The following GABRB2 variants were observed in gnomAD, a reference collection of about 807,000 sequenced individuals.
The protein encoded by GABRB2 is gamma-aminobutyric acid type A receptor subunit beta2.
GABRB2 carries 16 observed loss-of-function variants against 54.7 expected under a neutral mutation model. The observed-to-expected ratio is 0.29, with a 90% confidence interval of 0.20 to 0.44. The LOEUF (loss-of-function observed/expected upper bound fraction) is 0.44. Among genes scored for constraint, GABRB2 ranks in the 20% least tolerant of loss-of-function variants. The pLI is 1.00. For missense variants in GABRB2, 355 were observed against 644.0 expected (o/e 0.55, Z 4.86); for synonymous variants, 244 against 233.8 (o/e 1.04, Z -0.40).
chr5:161,514,945 A>AG lies in GABRB2; in HGVS notation c.237+30281_237+30282insC, dbSNP rs561979314. On this transcript the variant is annotated intron_variant, in intron 3 of 9. Coordinates refer to ENST00000393959, the MANE Select transcript of GABRB2 (RefSeq NM_001371727.1). ...ACTTTAAGATGAGAAAATGTATGTG[A>AG]ACCCAAGCCTTACCAGAGAACATGC... Among the ~76,000 whole-genome samples the AG allele has an allele frequency of 7.0e-4, 107 of 152,304 alleles. 2 individuals carry two copies. In the South Asian group the frequency reaches 0.022, roughly 31 times the overall value.
chr5:161,432,195 A>T (rs1757188822), intron 4 of GABRB2, among the ~76,000 whole-genome samples: 1 of 152,204 alleles, frequency 6.6e-6, no homozygotes, highest in South Asian at 2.1e-4. Flanking sequence ...TTTGTAATAT[A>T]ACAAGCCCCA....
intron 5 of GABRB2, among the ~76,000 whole-genome samples, chr5:161,373,082 T>C (rs1755178741): frequency 6.6e-6 from 1 of 152,198 alleles, no homozygotes; most frequent in Non-Finnish European, 1.5e-5. Flanking sequence ...TATTTTTTTT[T>C]CCACTTAGAA....
rs550429673 is a variant in GABRB2, at chr5:161,306,225, G to C, written c.1192-11797C>G. Reference sequence around the variant, plus strand: ...AGAGGGAAATTATAACCTGCCTCTAGTTTTCTGTTGGAAGCAGAGAAGCCA... The same window carrying C: ...AGAGGGAAATTATAACCTGCCTCTACTTTTCTGTTGGAAGCAGAGAAGCCA... On this transcript the variant is annotated intron_variant, in intron 9 of 9. Transcript: ENST00000393959. 4.6e-5 allele frequency among the ~76,000 whole-genome samples: 7 copies of C among 152,328 alleles called. No homozygotes were observed. The South Asian group carries it at 1.4e-3, about 32-fold the overall frequency.
rs56087008 is a variant in GABRB2 at position 161,446,752 on chromosome 5, G to C, written c.458+12872C>G. Among the ~76,000 whole-genome samples, 774 of 152,172 alleles carry C rather than the reference G, an allele frequency of 5.1e-3. 10 individuals carry two copies. Among genetic ancestry groups the C allele is most frequent in the African/African-American group, 0.017 (703 of 41,528 alleles). On this transcript the variant is annotated intron_variant, in intron 4 of 9. Coordinates refer to ENST00000393959, the MANE Select transcript of GABRB2 (RefSeq NM_001371727.1). ...GAGAGTCATTAGTTGACTTATGAAAGACACATGGCCCGTAAAACAACCCCT... is the reference window on the plus strand; with the variant it reads ...GAGAGTCATTAGTTGACTTATGAAACACACATGGCCCGTAAAACAACCCCT...
At position 161,438,317 on chromosome 5, in the gene GABRB2, T is replaced by C. The variant is rs1561650050; in HGVS notation, c.458+21307A>G. ...GATCAAAGTGGTACCTTTACAAGTC[T>C]GCAAGAACCACATCATTACTGGACT... On this transcript the variant is annotated intron_variant, in intron 4 of 9. Coordinates refer to ENST00000393959, the MANE Select transcript of GABRB2 (RefSeq NM_001371727.1). Among the ~76,000 whole-genome samples, 7 of 152,218 alleles carry C rather than the reference T, an allele frequency of 4.6e-5. No individual in the cohort carries two copies. In the South Asian group the frequency reaches 1.4e-3, roughly 31 times the overall value.
chr5:161,473,385 G>A (rs114476909), intron 3 of GABRB2, among the ~76,000 whole-genome samples: 2,694 of 152,090 alleles, frequency 0.018, 35 homozygotes, highest in Middle Eastern at 0.075. Context: ...AAAAGTGTAA[G>A]TAAGGTGGCA....
chr5:161,463,555 T>A (rs7443060), intron 3 of GABRB2, among the ~76,000 whole-genome samples: 9,333 of 22,702 alleles, frequency 0.41, 1,381 homozygotes, highest in Admixed American at 0.43. Flanking sequence ...ATATTTTTAT[T>A]TATATATATA....
intron 6 of GABRB2, 136 bp from the exon 7 acceptor site, chr5:161,335,040 T>G (rs1329992922): frequency 1.2e-6 from 1 of 818,140 alleles, no homozygotes. Flanking sequence ...TCTGCAAAAG[T>G]AGTCTGAGAG....
chr5:161,539,692 C>T (rs566360669), intron 3 of GABRB2, among the ~76,000 whole-genome samples: 1 of 152,194 alleles, frequency 6.6e-6, no homozygotes, highest in South Asian at 2.1e-4. Flanking sequence ...TCATAGACGA[C>T]CAATAAACTT....
intron 5 of GABRB2, among the ~76,000 whole-genome samples, chr5:161,409,634 A>C (rs566448745): frequency 6.6e-6 from 1 of 152,264 alleles, no homozygotes; most frequent in Non-Finnish European, 1.5e-5. Flanking sequence ...CTGGAACAAA[A>C]CATACTTTCA....
At chr5:161,384,015 A>G (rs144215643) in intron 5 of GABRB2, among the ~76,000 whole-genome samples, 307 of 152,244 alleles carry the variant, frequency 2.0e-3, no homozygotes, top group Non-Finnish European at 3.6e-3. Flanking sequence ...GGCCTCCCAA[A>G]GTGCTGGGAT....
chr5:161,298,911 G>A (rs1367246628), intron 9 of GABRB2, among the ~76,000 whole-genome samples: 1 of 152,104 alleles, frequency 6.6e-6, no homozygotes, highest in Non-Finnish European at 1.5e-5. Flanking sequence ...CTTAATACAA[G>A]TTTATGTACT....
intron 4 of GABRB2, among the ~76,000 whole-genome samples, chr5:161,457,274 G>C (rs1757983519): frequency 6.6e-6 from 1 of 152,114 alleles, no homozygotes; most frequent in African/African-American, 2.4e-5. Context: ...ATGGAAGTGG[G>C]AATGGGAGAA....
chr5:161,486,677 G>A (rs1453308536), intron 3 of GABRB2, among the ~76,000 whole-genome samples: 3 of 151,598 alleles, frequency 2.0e-5, no homozygotes, highest in African/African-American at 4.8e-5. Flanking sequence ...GACTTTCTTT[G>A]TGCCACTCTG....
chr5:161,533,522 C>A (rs935248464), intron 3 of GABRB2, among the ~76,000 whole-genome samples: 4 of 151,956 alleles, frequency 2.6e-5, no homozygotes, highest in Non-Finnish European at 5.9e-5. Context: ...AAATAGATTT[C>A]ATTTAGATGC....
intron 5 of GABRB2, among the ~76,000 whole-genome samples, chr5:161,358,145 T>G (rs1246552168): frequency 6.6e-6 from 1 of 152,086 alleles, no homozygotes; most frequent in Non-Finnish European, 1.5e-5. Flanking sequence ...GAGAAAAAAT[T>G]ATAAGTAAGG....
In GABRB2 at chr5:161,382,857, C is replaced by T. The variant is rs187887791; in HGVS notation, c.541+28118G>A. ...CTTCCATTTTCCTCTCGAGCAACTC[C>T]GTGGCTACTCAGAGCTGTCATGAGG... On this transcript the variant is annotated intron_variant, in intron 5 of 9. Coordinates refer to ENST00000393959, the MANE Select transcript of GABRB2 (RefSeq NM_001371727.1). Among the ~76,000 whole-genome samples the T allele has an allele frequency of 3.9e-5, 6 of 152,292 alleles. No individual in the cohort carries two copies. In the East Asian group the frequency reaches 5.8e-4, roughly 15 times the overall value.
At chr5:161,348,336 A>G (rs1754378353) in intron 5 of GABRB2, among the ~76,000 whole-genome samples, 1 of 152,098 alleles carries the variant, frequency 6.6e-6, no homozygotes, top group African/African-American at 2.4e-5. Flanking sequence ...TTCTAAAACA[A>G]AAGAAAATTA....
In GABRB2 at chr5:161,439,252, A is replaced by C. The variant is rs542327062; in HGVS notation, c.458+20372T>G. On this transcript the variant is annotated intron_variant, in intron 4 of 9. Transcript: ENST00000393959. ...CAAGAGACAGTGGCGTGACATATTT[A>C]AAGTGCTGAAAGAAAATAACTTTTA... 1.5e-3 allele frequency among the ~76,000 whole-genome samples: 222 copies of C among 152,226 alleles called. 2 individuals are homozygous for C. The South Asian group carries it at 0.015, about 10-fold the overall frequency.
Sources: allele counts gnomAD v4.1 joint callset (sites outside exome capture counted in the v4.1 genomes callset), GRCh38; gene constraint gnomAD v4.1.1; transcripts MANE v1.5; gene names NCBI Gene and HGNC (gene_info 2026-07-23, HGNC 2026-07-21).